The following PHACTR4 variants were observed in gnomAD, a reference collection of about 807,000 sequenced individuals.
The protein encoded by PHACTR4 is phosphatase and actin regulator 4.
A neutral mutation model predicts 72.7 loss-of-function variants in PHACTR4; 51 were observed. The observed-to-expected ratio is 0.70, with a 90% CI of 0.56 to 0.89. PHACTR4 has a LOEUF of 0.89. PHACTR4 is among the 40% of genes least tolerant of loss of function. PHACTR4 has a pLI of 0.00. For synonymous variants in PHACTR4, 255 were observed against 302.5 expected, an observed-to-expected ratio of 0.84 and a Z score of 1.63; for missense variants, 731 against 861.8, an observed-to-expected ratio of 0.85 and a Z score of 1.90.
At chr1:28,402,580 C>T (rs1473445727) in intron 1 of PHACTR4, among the ~76,000 whole-genome samples, 2 of 151,998 alleles carry the variant, frequency 1.3e-5, no homozygotes, top group South Asian at 2.1e-4. Flanking sequence ...AGTGAGACCC[C>T]GTCTCTACAA....
chr1:28,468,972 G>C (rs898189313), intron 6 of PHACTR4, among the ~76,000 whole-genome samples: 1 of 152,090 alleles, frequency 6.6e-6, no homozygotes, highest in African/African-American at 2.4e-5. Flanking sequence ...CTTAGCTTGA[G>C]GTAAATAGCC....
chr1:28,447,612 A>G (rs192121816), intron 2 of PHACTR4, among the ~76,000 whole-genome samples: 1 of 152,022 alleles, frequency 6.6e-6, no homozygotes, highest in East Asian at 1.9e-4. Flanking sequence ...TTTTTTTTCC[A>G]TGAGTGAATA....
At chr1:28,370,888 G>A (rs61783801) in intron 1 of PHACTR4, among the ~76,000 whole-genome samples, 16,067 of 151,860 alleles carry the variant, frequency 0.11, 1,183 homozygotes, top group Non-Finnish European at 0.16. Flanking sequence ...CCAGAAGTTC[G>A]CGACCAGCCT....
chr1:28,477,913 T>C (rs907505741), intron 8 of PHACTR4, among the ~76,000 whole-genome samples: 3 of 151,970 alleles, frequency 2.0e-5, no homozygotes, highest in African/African-American at 7.3e-5. Flanking sequence ...GTCTCGAACT[T>C]GTGAGCTCAA....
At chr1:28,492,369 G>A (rs904695892) in intron 12 of PHACTR4, among the ~76,000 whole-genome samples, 2 of 151,884 alleles carry the variant, frequency 1.3e-5, no homozygotes, top group African/African-American at 4.8e-5. Flanking sequence ...CCTAGGAGGT[G>A]GAGGTTGCAG....
At chr1:28,411,524 C>A (rs931879211) in intron 2 of PHACTR4, among the ~76,000 whole-genome samples, 1 of 152,074 alleles carries the variant, frequency 6.6e-6, no homozygotes, top group Middle Eastern at 3.2e-3. Context: ...TATACATATA[C>A]ACACATATAC....
At chr1:28,454,679 T>C (rs900071282) in intron 2 of PHACTR4, among the ~76,000 whole-genome samples, 2 of 152,162 alleles carry the variant, frequency 1.3e-5, no homozygotes, top group African/African-American at 4.8e-5. Flanking sequence ...CTTGACCTAA[T>C]TGGCATATTT....
chr1:28,478,743 C>T (rs761312833), intron 8 of PHACTR4, among the ~76,000 whole-genome samples: 32 of 151,810 alleles, frequency 2.1e-4, no homozygotes, highest in Non-Finnish European at 2.9e-4. Context: ...CATGAGCCAC[C>T]GTGACTGGCC....
At chr1:28,440,067 C>T (rs1380305962) in intron 2 of PHACTR4, among the ~76,000 whole-genome samples, 2 of 151,854 alleles carry the variant, frequency 1.3e-5, no homozygotes, top group African/African-American at 4.8e-5. Flanking sequence ...GTTGGGAGGC[C>T]GAGGCAGGCG....
At chr1:28,415,502 C>A (rs937601554) in intron 2 of PHACTR4, among the ~76,000 whole-genome samples, 1 of 152,120 alleles carries the variant, frequency 6.6e-6, no homozygotes, top group Admixed American at 6.5e-5. Context: ...GGACTGAAAC[C>A]CTAGCATATC....
At chr1:28,456,985 G>A (rs1213857659) in intron 2 of PHACTR4, among the ~76,000 whole-genome samples, 2 of 152,140 alleles carry the variant, frequency 1.3e-5, no homozygotes, top group African/African-American at 2.4e-5. Flanking sequence ...AAGTGTTAAA[G>A]TAATTGAGAC....
At chr1:28,441,551 T>C (rs1657032687) in intron 2 of PHACTR4, among the ~76,000 whole-genome samples, 1 of 152,228 alleles carries the variant, frequency 6.6e-6, no homozygotes, top group Non-Finnish European at 1.5e-5. Flanking sequence ...CTGTAGGATC[T>C]TTCTAACAAC....
At chr1:28,468,106 G>A (rs932579075) in intron 6 of PHACTR4, among the ~76,000 whole-genome samples, 2 of 152,152 alleles carry the variant, frequency 1.3e-5, no homozygotes, top group Non-Finnish European at 2.9e-5. Flanking sequence ...ATGACAGTTT[G>A]GAGTAGCTTG....
chr1:28,377,341 T>C (rs1289285915), intron 1 of PHACTR4, among the ~76,000 whole-genome samples: 2 of 149,338 alleles, frequency 1.3e-5, no homozygotes, highest in African/African-American at 2.5e-5. Flanking sequence ...TGGGTTCAAG[T>C]GATTCTCCTG....
At chr1:28,483,155 G>C (rs1011763764) in intron 9 of PHACTR4, among the ~76,000 whole-genome samples, 2 of 151,918 alleles carry the variant, frequency 1.3e-5, no homozygotes, top group Admixed American at 6.6e-5. Context: ...TGTAATCCCA[G>C]CACTTTGGGA....
At position 28,476,293 on chromosome 1, in the gene PHACTR4, T is replaced by A; in HGVS notation, c.1606+2T>A. ...AAGATGAAGATGAAAGCTATCAGAG[T>A]AAGAAAGGGAGGGAAAAGCAAAACA... On this transcript the variant is annotated splice_donor_variant, in intron 8 of 13. Transcript: ENST00000373839. LOFTEE classifies it high-confidence loss of function. The A allele has an allele frequency of 6.3e-7, 1 of 1,582,968 alleles. No homozygotes were observed. The highest frequency in any genetic ancestry group is 8.5e-7 in the Non-Finnish European group (1 of 1,169,654).
At chr1:28,387,409 A>G in intron 1 of PHACTR4, among the ~76,000 whole-genome samples, 1 of 152,192 alleles carries the variant, frequency 6.6e-6, no homozygotes, top group East Asian at 1.9e-4. Context: ...ATCCCTGTTA[A>G]AAATGCTGCC....
At chr1:28,494,687 G>T (rs1486658969) in intron 13 of PHACTR4, among the ~76,000 whole-genome samples, 1 of 152,210 alleles carries the variant, frequency 6.6e-6, no homozygotes, top group Non-Finnish European at 1.5e-5. Flanking sequence ...TAAGCAAGAC[G>T]ATGGGAGAGA....
At chr1:28,431,096 G>A (rs1204841941) in intron 2 of PHACTR4, among the ~76,000 whole-genome samples, 2 of 150,776 alleles carry the variant, frequency 1.3e-5, no homozygotes, top group African/African-American at 4.9e-5. Flanking sequence ...GGAGAATGGA[G>A]TGTATCCAGG....
Sources: gnomAD v4.1 joint callset for allele counts (sites outside exome capture counted in the v4.1 genomes callset) on GRCh38, gnomAD v4.1.1 for gene constraint, MANE v1.5 for transcripts, NCBI Gene and HGNC (gene_info 2026-07-23, HGNC 2026-07-21) for gene names.